The following TBC1D9 variants were observed in gnomAD, a reference collection of about 807,000 sequenced individuals.
TBC1D9 encodes the protein TBC1 domain family member 9A.
A neutral mutation model predicts 132.0 loss-of-function variants in TBC1D9; 63 were observed. The ratio of observed to expected loss-of-function variants is 0.48; its 90% CI spans 0.39 to 0.59. The LOEUF (loss-of-function observed/expected upper bound fraction) is 0.59, where lower values mean the gene tolerates loss of function less well. TBC1D9 is among the 20% of genes least tolerant of loss of function. The pLI, the probability that TBC1D9 is intolerant of heterozygous loss-of-function variation, is 0.00. For missense variants in TBC1D9, 1,261 were observed against 1,592.7 expected, an observed-to-expected ratio of 0.79 and a Z score of 3.54; for synonymous variants, 610 against 609.9, an observed-to-expected ratio of 1.00 and a Z score of 0.00.
rs543334960 is a variant in TBC1D9 at position 140,700,923 on chromosome 4, T to A, written c.241+581A>T. On this transcript the variant is annotated intron_variant, in intron 2 of 20. Transcript: ENST00000442267. ...ACTGACTGTGATCAATGGAGATAGC[T>A]CATGACCTTCGGACCAGCCAAAGCA... 3 of 152,684 alleles carry A rather than the reference T, an allele frequency of 2.0e-5. No individual in the cohort carries two copies. In the East Asian group the frequency reaches 5.8e-4, roughly 29 times the overall value. The allele number at this position is 152,684 out of a possible 1,614,324, so 9.5% of individuals were successfully genotyped here. A position where few individuals can be genotyped will look rare whatever the true frequency, so the allele number is the denominator to read the frequency against.
At chr4:140,708,241 T>C (rs1052476909) in intron 1 of TBC1D9, among the ~76,000 whole-genome samples, 5 of 152,170 alleles carry the variant, frequency 3.3e-5, no homozygotes, top group Admixed American at 3.3e-4. Context: ...TGTCTAAGAA[T>C]CTTAGAAAGG....
At chr4:140,655,044 T>C (rs954894706) in intron 13 of TBC1D9, among the ~76,000 whole-genome samples, 4 of 152,094 alleles carry the variant, frequency 2.6e-5, no homozygotes, top group Non-Finnish European at 5.9e-5. Flanking sequence ...CATATAATAT[T>C]TAATATATTA....
At chr4:140,650,505 T>A (rs1737171670) in intron 13 of TBC1D9, among the ~76,000 whole-genome samples, 1 of 152,160 alleles carries the variant, frequency 6.6e-6, no homozygotes, top group South Asian at 2.1e-4. Flanking sequence ...TCATGTGAAT[T>A]TGTAATTCTG....
chr4:140,718,220 C>T (rs1423470396), intron 1 of TBC1D9, among the ~76,000 whole-genome samples: 8 of 141,778 alleles, frequency 5.6e-5, no homozygotes, highest in South Asian at 2.3e-4. Flanking sequence ...TGTGATATAC[C>T]TAGTTTTTTT....
chr4:140,756,083 T>C lies in TBC1D9; in HGVS notation c.-38A>G, dbSNP rs201871376. Reference sequence around the variant, plus strand: ...CGCGGGCGGGCGCACAATGGGCCCGTGGGTCCAGTCCTGCACCCACCACCG... The same window carrying C: ...CGCGGGCGGGCGCACAATGGGCCCGCGGGTCCAGTCCTGCACCCACCACCG... On this transcript the variant is annotated 5_prime_UTR_variant, in exon 1 of 21. Transcript: ENST00000442267. This position sits in a 1 kb window ranked among gnomAD's most constrained non-coding sequence, Gnocchi z 5.6. The C allele has an allele frequency of 1.3e-6, 2 of 1,581,146 alleles. No individual in the cohort carries two copies. The highest frequency in any genetic ancestry group is 2.3e-5 in the East Asian group (1 of 43,578).
rs754059861 is a variant in TBC1D9 at position 140,657,766 on chromosome 4, G to A, written c.1968C>T (p.Tyr656=). The part of the protein sequence containing the change: ...QGVFEELARD[Y]VPQLYDCMQD... ...GCATGCAGTCGTACAGCTGTGGGAC[G>A]TAGTCTCGTGCTAGCTCCTCAAAGA... The change falls in exon 12 of 21, where the codon TAC becomes TAT. Residue 656 remains tyrosine (Y), a synonymous_variant. Coordinates refer to ENST00000442267, the MANE Select transcript of TBC1D9 (RefSeq NM_015130.3). 14 of 1,613,810 alleles carry A rather than the reference G, an allele frequency of 8.7e-6. No homozygotes were observed. Among genetic ancestry groups the A allele is most frequent in the Admixed American group, 5.0e-5 (3 of 60,000 alleles).
At chr4:140,712,584 T>C (rs1359164270) in intron 1 of TBC1D9, among the ~76,000 whole-genome samples, 2 of 150,834 alleles carry the variant, frequency 1.3e-5, no homozygotes, top group African/African-American at 4.9e-5. Context: ...CTACTAAAAA[T>C]ACAAAAAATT....
intron 1 of TBC1D9, among the ~76,000 whole-genome samples, chr4:140,703,296 G>A (rs1016147540): frequency 2.6e-5 from 4 of 152,166 alleles, no homozygotes; most frequent in African/African-American, 9.7e-5. Context: ...GTTGCCACCA[G>A]TACCTCATGT....
chr4:140,700,533 T>C (rs532546356), intron 2 of TBC1D9, among the ~76,000 whole-genome samples: 1 of 151,934 alleles, frequency 6.6e-6, no homozygotes, highest in East Asian at 1.9e-4. Flanking sequence ...AAAAAAAATT[T>C]TTTTTGCTGG....
intron 13 of TBC1D9, among the ~76,000 whole-genome samples, chr4:140,645,987 A>G (rs974375457): frequency 8.5e-5 from 13 of 152,234 alleles, no homozygotes; most frequent in Non-Finnish European, 1.6e-4. Context: ...ACTTGAATTT[A>G]GCACCACTTT....
chr4:140,755,778 G>T, intron 1 of TBC1D9, 138 bp downstream of exon 1: 1 of 1,303,404 alleles, frequency 7.7e-7, no homozygotes, highest in Non-Finnish European at 9.9e-7. Flanking sequence ...GACTCTCGAT[G>T]CCTCGCATAC....
intron 1 of TBC1D9, among the ~76,000 whole-genome samples, chr4:140,726,249 A>G (rs1214306224): frequency 6.6e-6 from 1 of 152,170 alleles, no homozygotes; most frequent in Admixed American, 6.5e-5. Context: ...AGACTGCACC[A>G]CTGAACTCCA....
chr4:140,723,484 C>A (rs1738453867), intron 1 of TBC1D9, among the ~76,000 whole-genome samples: 1 of 152,198 alleles, frequency 6.6e-6, no homozygotes, highest in African/African-American at 2.4e-5. Flanking sequence ...CAGGTGTGCA[C>A]CACCATGCAT....
intron 13 of TBC1D9, among the ~76,000 whole-genome samples, chr4:140,648,744 C>G (rs942244885): frequency 3.3e-5 from 5 of 152,172 alleles, no homozygotes; most frequent in Admixed American, 2.6e-4. Context: ...CCTGTGGGTA[C>G]TGATACCAAC....
At chr4:140,718,935 A>T (rs968452588) in intron 1 of TBC1D9, among the ~76,000 whole-genome samples, 6 of 151,936 alleles carry the variant, frequency 3.9e-5, no homozygotes, top group African/African-American at 1.5e-4. Flanking sequence ...CACAAAAAAA[A>T]TTTGTATTTT....
chr4:140,715,248 T>G (rs2111052658), intron 1 of TBC1D9, among the ~76,000 whole-genome samples: 1 of 152,340 alleles, frequency 6.6e-6, no homozygotes, highest in South Asian at 2.1e-4. Flanking sequence ...ATGAGGCATG[T>G]CTGACCCCCC....
At chr4:140,719,343 T>C (rs1271270282) in intron 1 of TBC1D9, among the ~76,000 whole-genome samples, 2 of 152,116 alleles carry the variant, frequency 1.3e-5, no homozygotes, top group East Asian at 3.9e-4. Context: ...CTTCAAAAAC[T>C]GTAGAGTCTC....
Position 140,622,774 on chromosome 4 carries a change from A to G in TBC1D9, c.3222T>C (p.Pro1074=). 2 of 1,604,002 alleles carry G rather than the reference A, an allele frequency of 1.2e-6. No homozygotes were observed. The highest frequency in any genetic ancestry group is 2.7e-5 in the African/African-American group (2 of 75,034). The change falls in exon 21 of 21, where the codon CCT becomes CCC. Residue 1074 remains proline (P), a synonymous_variant. Coordinates refer to ENST00000442267, the MANE Select transcript of TBC1D9 (RefSeq NM_015130.3). ...TGCCTCCGCTCCCGCCCTCCTTTGC[A>G]GGCTGGGCCACGAACAACTTGCCGA... ...GEVGKLFVAQ[P]AKEGGSGGSG... is the part of the protein sequence containing the mutation.
intron 2 of TBC1D9, among the ~76,000 whole-genome samples, chr4:140,686,822 G>C (rs556028163): frequency 1.7e-4 from 26 of 152,154 alleles, no homozygotes; most frequent in African/African-American, 5.8e-4. Context: ...ACTTTACAGG[G>C]TAACATAGAT....
Sources: allele counts gnomAD v4.1 joint callset (sites outside exome capture counted in the v4.1 genomes callset), GRCh38; gene constraint gnomAD v4.1.1; non-coding constraint Gnocchi (gnomAD v3.1); transcripts MANE v1.5; gene names NCBI Gene and HGNC (gene_info 2026-07-23, HGNC 2026-07-21).